The following C2orf69 variants were observed in gnomAD, a reference collection of about 807,000 sequenced individuals.
C2orf69 encodes the protein chromosome 2 open reading frame 69.
Under a neutral mutation model 29.5 loss-of-function variants are expected in C2orf69, and 19 were observed. That is an observed-to-expected ratio of 0.65 (90% confidence interval 0.45 to 0.95). C2orf69 has a LOEUF of 0.95. Among genes scored for constraint, C2orf69 ranks in the 40% least tolerant of loss-of-function variants. The pLI, the probability that C2orf69 is intolerant of heterozygous loss-of-function variation, is 0.00. For synonymous variants in C2orf69, 194 were observed against 180.0 expected (o/e 1.08, Z -0.62); for missense variants, 416 against 482.1 (o/e 0.86, Z 1.28).
Position 199,911,344 on chromosome 2 carries a change from C to T in C2orf69, c.-95C>T. The T allele has an allele frequency of 7.4e-7, 1 of 1,356,598 alleles. No individual in the cohort carries two copies. Among genetic ancestry groups the T allele is most frequent in the Non-Finnish European group, 9.5e-7 (1 of 1,057,200 alleles). 84.0% of individuals were successfully genotyped at this position (1,356,598 alleles called of 1,614,324 possible). A position where few individuals can be genotyped will look rare whatever the true frequency, so the allele number is the denominator to read the frequency against. On this transcript the variant is annotated 5_prime_UTR_variant, in exon 1 of 2. Coordinates refer to ENST00000319974, the MANE Select transcript of C2orf69 (RefSeq NM_153689.6). ...CTCCCGGCCGGGCCGCGGCCGCCGA[C>T]CGTTGAGCCGCCGGCTGAGCCGCCT...
chr2:199,920,496 C>A (rs985826665), intron 1 of C2orf69, among the ~76,000 whole-genome samples: 3 of 152,012 alleles, frequency 2.0e-5, no homozygotes, highest in Non-Finnish European at 4.4e-5. Context: ...GGCTCATTAA[C>A]TAAATAAATA....
rs962276121 is a variant in C2orf69 at position 199,926,883 on chromosome 2, T to G, written c.*997T>G. Reference sequence around the variant, plus strand: ...TTTGAAAGGATCAACTTGGATAAAATAAATATATAATGCTCTATTTGTTAG... The same window carrying G: ...TTTGAAAGGATCAACTTGGATAAAAGAAATATATAATGCTCTATTTGTTAG... On this transcript the variant is annotated 3_prime_UTR_variant, in exon 2 of 2. Coordinates refer to ENST00000319974, the MANE Select transcript of C2orf69 (RefSeq NM_153689.6). 2.0e-5 allele frequency: 3 copies of G among 152,556 alleles called. No homozygotes were observed. Among genetic ancestry groups the G allele is most frequent in the Non-Finnish European group, 2.9e-5 (2 of 68,002 alleles). 9.5% of individuals were successfully genotyped at this position (152,556 alleles called of 1,614,324 possible). A position where few individuals can be genotyped will look rare whatever the true frequency, so the allele number is the denominator to read the frequency against.
intron 1 of C2orf69, among the ~76,000 whole-genome samples, chr2:199,921,767 A>G (rs2077316990): frequency 6.6e-6 from 1 of 151,652 alleles, no homozygotes; most frequent in Non-Finnish European, 1.5e-5. Context: ...ACATACTTGT[A>G]TATGTGTATG....
Position 199,911,357 on chromosome 2 carries a change from GGCTGAGCCGCCT to G in C2orf69, c.-76_-65del, listed in dbSNP as rs1183788197. 1.2e-5 allele frequency: 16 copies of G among 1,364,788 alleles called. No homozygotes were observed. The highest frequency in any genetic ancestry group is 1.5e-5 in the Non-Finnish European group (16 of 1,064,244). 84.5% of individuals were successfully genotyped at this position (1,364,788 alleles called of 1,614,324 possible). The stretch of plus-strand genomic sequence containing the variant: ...CGCGGCCGCCGACCGTTGAGCCGCC[GGCTGAGCCGCCT>G]GCTGAAGTCCCTCCCTCAGGAACCC... On this transcript the variant is annotated 5_prime_UTR_variant, in exon 1 of 2. Transcript: ENST00000319974.
chr2:199,925,784 T>G lies in C2orf69; in HGVS notation c.1056T>G (p.Val352=), dbSNP rs774911641. ...SWIGKEHKKF[V]QILGDLGMQV... ...TTGGAAAGGAGCACAAGAAATTTGT[T>G]CAGATACTTGGGGATCTTGGTATGC... is the stretch of plus-strand genomic sequence containing the variant. Residue 352 remains valine (V), a synonymous_variant, in exon 2 of 2, where the codon GTT becomes GTG. Coordinates refer to ENST00000319974, the MANE Select transcript of C2orf69 (RefSeq NM_153689.6). The surrounding 1 kb of genome is among the most constrained non-coding windows in gnomAD (Gnocchi z 4.9). 1.2e-6 allele frequency: 2 copies of G among 1,613,804 alleles called. No homozygotes were observed. The highest frequency in any genetic ancestry group is 1.7e-6 in the Non-Finnish European group (2 of 1,179,860).
chr2:199,921,862 C>G (rs2077317475), intron 1 of C2orf69, among the ~76,000 whole-genome samples: 1 of 150,976 alleles, frequency 6.6e-6, no homozygotes, highest in South Asian at 2.1e-4. Flanking sequence ...TTACCTGTAC[C>G]TTTGTATATA....
intron 1 of C2orf69, among the ~76,000 whole-genome samples, chr2:199,913,417 CT>C (rs2077280829): frequency 1.3e-4 from 7 of 54,892 alleles, no homozygotes; most frequent in Admixed American, 2.5e-4. Context: ...AATATATATT[CT>C]ATTATATAAA....
At chr2:199,924,597 A>T (rs1042521512) in intron 1 of C2orf69, among the ~76,000 whole-genome samples, 4 of 152,190 alleles carry the variant, frequency 2.6e-5, no homozygotes, top group African/African-American at 9.6e-5. Context: ...AATTGAACAT[A>T]GTGTTCAGGT....
At position 199,925,670 on chromosome 2, in the gene C2orf69, A is replaced by G. The variant is rs558021710; in HGVS notation, c.942A>G (p.Pro314=). 5.6e-6 allele frequency: 9 copies of G among 1,613,848 alleles called. No homozygotes were observed. Among genetic ancestry groups the G allele is most frequent in the Non-Finnish European group, 6.8e-6 (8 of 1,179,834 alleles). ...GAAGCAATACTTGGGTTACTTATCC[A>G]GAAGTCTTGAAAGAATTTGCACAAA... ...SGGSNTWVTY[P]EVLKEFAQTG... Residue 314 remains proline, a synonymous_variant, in exon 2 of 2, where the codon CCA becomes CCG. Transcript: ENST00000319974. The surrounding 1 kb of genome is among the most constrained non-coding windows in gnomAD (Gnocchi z 4.9).
chr2:199,913,416 TC>T (rs2077280789), intron 1 of C2orf69, among the ~76,000 whole-genome samples: 1 of 80,554 alleles, frequency 1.2e-5, no homozygotes, highest in Non-Finnish European at 2.3e-5. Flanking sequence ...TAATATATAT[TC>T]TATTATATAA....
rs746636264 is a variant in C2orf69 at position 199,911,806 on chromosome 2, C to T, written c.333+35C>T. 19 of 1,536,488 alleles carry T rather than the reference C, an allele frequency of 1.2e-5. No individual in the cohort carries two copies. In the Admixed American group the frequency reaches 2.7e-4, roughly 22 times the overall value. On this transcript the variant is annotated intron_variant, in intron 1 of 1. Coordinates refer to ENST00000319974, the MANE Select transcript of C2orf69 (RefSeq NM_153689.6). ...GGCCTGCCTGGGTATCTGTTCCTTCCTCTCGTGTATACGTACGCGGTCACT... is the reference window on the plus strand; with the variant it reads ...GGCCTGCCTGGGTATCTGTTCCTTCTTCTCGTGTATACGTACGCGGTCACT...
intron 1 of C2orf69, among the ~76,000 whole-genome samples, chr2:199,912,308 T>G (rs1333622866): frequency 6.6e-6 from 1 of 152,230 alleles, no homozygotes; most frequent in Non-Finnish European, 1.5e-5. Context: ...GATGCTCACC[T>G]CTTTTGTACT....
In C2orf69 at chr2:199,911,298, A is replaced by G. The variant is rs530626964; in HGVS notation, c.-141A>G. ...CGCTGCGCGCGGACGTCGGCCTCTG[A>G]CGTCGTCGCCTCAGCGCCGGCTCCC... On this transcript the variant is annotated 5_prime_UTR_variant, in exon 1 of 2. Transcript: ENST00000319974. The G allele has an allele frequency of 7.6e-4, 764 of 1,003,224 alleles. 8 individuals carry two copies. In the African/African-American group the frequency reaches 0.012, roughly 15 times the overall value. The allele number at this position is 1,003,224 out of a possible 1,614,324, so 62.1% of individuals were successfully genotyped here.
At chr2:199,917,555 C>T (rs1413754458) in intron 1 of C2orf69, among the ~76,000 whole-genome samples, 3 of 152,200 alleles carry the variant, frequency 2.0e-5, no homozygotes, top group Non-Finnish European at 2.9e-5. Context: ...TTTGCTAAAC[C>T]ATAACAAGAG....
chr2:199,911,693 C>A lies in C2orf69; in HGVS notation c.255C>A (p.Asp85Glu). The change falls in exon 1 of 2, where the codon GAC (aspartate) becomes GAA (glutamate). Residue 85 changes from aspartate to glutamate, a missense_variant. Around this residue, in one of 4 missense-constraint regions of C2orf69, gnomAD observed 175 missense variants for 139.9 expected, o/e 1.25. Transcript: ENST00000319974. ...CCGGGGAGGGACTGGAGCGGCAGGA[C>A]CTCCCCGGGGACCCAGCGAAGGAGG... ...AAAGEGLERQ[D>E]LPGDPAKEEP... The A allele has an allele frequency of 6.5e-7, 1 of 1,546,312 alleles. No homozygotes were observed. The highest frequency in any genetic ancestry group is 8.7e-7 in the Non-Finnish European group (1 of 1,146,898).
At chr2:199,913,017 CTG>C (rs2106636311) in intron 1 of C2orf69, among the ~76,000 whole-genome samples, 1 of 149,494 alleles carries the variant, frequency 6.7e-6, no homozygotes, top group Admixed American at 6.8e-5. Flanking sequence ...TACTTAGAAA[CTG>C]TGCTCTGAGT....
At chr2:199,913,416 T>TATGATATATAATATATAATAA (rs2077280772) in intron 1 of C2orf69, among the ~76,000 whole-genome samples, 17 of 80,558 alleles carry the variant, frequency 2.1e-4, no homozygotes, top group South Asian at 6.8e-4. Flanking sequence ...TAATATATAT[T>TATGATATATAATATATAATAA]CTATTATATA....
chr2:199,916,040 A>C (rs778199297), intron 1 of C2orf69, among the ~76,000 whole-genome samples: 1 of 152,228 alleles, frequency 6.6e-6, no homozygotes, highest in African/African-American at 2.4e-5. Flanking sequence ...CACACTGCTA[A>C]TAAAGACATA....
chr2:199,913,934 T>A (rs568419589), intron 1 of C2orf69, among the ~76,000 whole-genome samples: 1 of 152,286 alleles, frequency 6.6e-6, no homozygotes, highest in South Asian at 2.1e-4. Flanking sequence ...TGAGGCCAGA[T>A]TGCCTGGGTT....
Sources: allele counts gnomAD v4.1 joint callset (sites outside exome capture counted in the v4.1 genomes callset), GRCh38; gene constraint gnomAD v4.1.1; regional missense constraint gnomAD v4.1.1; non-coding constraint Gnocchi (gnomAD v3.1); transcripts MANE v1.5; gene names NCBI Gene and HGNC (gene_info 2026-07-23, HGNC 2026-07-21).